NHLRC1: variants seen among roughly 807,000 people sequenced by gnomAD.
The protein encoded by NHLRC1 is NHL repeat containing E3 ubiquitin protein ligase 1, also known as E3 ubiquitin-protein ligase NHLRC1.
A neutral mutation model predicts 14.6 loss-of-function variants in NHLRC1; 10 were observed. The observed-to-expected ratio is 0.69, with a 90% CI of 0.42 to 1.17. The LOEUF (loss-of-function observed/expected upper bound fraction) is 1.17, where lower values mean the gene tolerates loss of function less well. Among genes scored for constraint, NHLRC1 ranks in the 50% most tolerant of loss-of-function variants. The probability of loss-of-function intolerance (pLI) is 0.00; values close to 1 mark genes in which losing one functional copy is unlikely to be tolerated. For synonymous variants in NHLRC1, 231 were observed against 224.0 expected, an observed-to-expected ratio of 1.03 and a Z score of -0.28; for missense variants, 526 against 522.9, an observed-to-expected ratio of 1.01 and a Z score of -0.06.
At position 18,121,511 on chromosome 6, in the gene NHLRC1, G is replaced by C; in HGVS notation, c.1096C>G (p.Pro366Ala). The C allele has an allele frequency of 6.2e-7, 1 of 1,614,190 alleles. No individual in the cohort carries two copies. The highest frequency in any genetic ancestry group is 8.5e-7 in the Non-Finnish European group (1 of 1,180,028). Residue 366 changes from proline to alanine, a missense_variant, in exon 1 of 1, where the codon CCT (proline) becomes GCT (alanine). Physicochemically the swap from Pro to Ala is conservative, Grantham distance 27. Transcript: ENST00000340650. This position sits in a 1 kb window ranked among gnomAD's most constrained non-coding sequence, Gnocchi z 4.7. The part of the protein sequence containing the change: ...KPMVTHGLSH[P>A]VALTFTKENS... ...TCCTTGGTGAAGGTAAGAGCCACAGGATGCGAAAGACCATGAGTGACCATG... is the reference window on the plus strand; with the variant it reads ...TCCTTGGTGAAGGTAAGAGCCACAGCATGCGAAAGACCATGAGTGACCATG...
chr6:18,122,127 G>C lies in NHLRC1; in HGVS notation c.480C>G (p.Cys160Trp). The change falls in exon 1 of 1, where the codon TGC (cysteine) becomes TGG (tryptophan). Residue 160 changes from cysteine to tryptophan, a missense_variant. Physicochemically the swap from Cys to Trp is radical, Grantham distance 215. Transcript: ENST00000340650. ...CCCCCTTCTCTCCAAACTGATGCGC[G>C]CATCCTCCCCCTGAGTCAAAAATCT... ...RVKIFDSGGG[C>W]AHQFGEKGDA... is the part of the protein sequence containing the mutation. 1 of 1,613,924 alleles carries C rather than the reference G, an allele frequency of 6.2e-7. No homozygotes were observed. The highest frequency in any genetic ancestry group is 8.5e-7 in the Non-Finnish European group (1 of 1,180,012).
Position 18,121,381 on chromosome 6 carries a change from C to A in NHLRC1, c.*38G>T, listed in dbSNP as rs377500729. 253 of 1,437,748 alleles carry A rather than the reference C, an allele frequency of 1.8e-4. No individual in the cohort carries two copies. Among genetic ancestry groups the A allele is most frequent in the Middle Eastern group, 3.5e-4 (2 of 5,772 alleles). The allele number at this position is 1,437,748 out of a possible 1,614,324, so 89.1% of individuals were successfully genotyped here. ...GGGTTAAACAATTCATTAATGGCAG[C>A]ACTAGTGCTTCTGATTCCAGGGACC... On this transcript the variant is annotated 3_prime_UTR_variant, in exon 1 of 1. Coordinates refer to ENST00000340650, the MANE Select transcript of NHLRC1 (RefSeq NM_198586.3). The surrounding 1 kb of genome is among the most constrained non-coding windows in gnomAD (Gnocchi z 4.7).
At position 18,121,403 on chromosome 6, in the gene NHLRC1, G is replaced by A. The variant is rs1449092068; in HGVS notation, c.*16C>T. 1.3e-6 allele frequency: 2 copies of A among 1,594,198 alleles called. No homozygotes were observed. Among genetic ancestry groups the A allele is most frequent in the Non-Finnish European group, 1.7e-6 (2 of 1,162,320 alleles). ...CAGCACTAGTGCTTCTGATTCCAGG[G>A]ACCCACCCCAGCCCATCACCCCCAG... On this transcript the variant is annotated 3_prime_UTR_variant, in exon 1 of 1. Coordinates refer to ENST00000340650, the MANE Select transcript of NHLRC1 (RefSeq NM_198586.3). This position sits in a 1 kb window ranked among gnomAD's most constrained non-coding sequence, Gnocchi z 4.7.
chr6:18,122,209 G>A lies in NHLRC1; in HGVS notation c.398C>T (p.Ala133Val), dbSNP rs761706418. 2.5e-6 allele frequency: 4 copies of A among 1,613,178 alleles called. No individual in the cohort carries two copies. In the East Asian group the frequency reaches 6.7e-5, roughly 27 times the overall value. The change falls in exon 1 of 1, where the codon GCG (alanine) becomes GTG (valine). Residue 133 changes from alanine (A) to valine (V), a missense_variant. Physicochemically the swap from Ala to Val is moderately conservative, Grantham distance 64. Transcript: ENST00000340650. ...WGTLVNPTGL[A>V]LCPKTGRVVV... ...GACACGCCCCGTCTTGGGACAAAGC[G>A]CCAGTCCGGTGGGGTTGACCAGGGT...
At position 18,122,550 on chromosome 6, in the gene NHLRC1, C is replaced by T. The variant is rs2150703390; in HGVS notation, c.57G>A (p.Ala19=). 1 of 1,597,384 alleles carries T rather than the reference C, an allele frequency of 6.3e-7. No homozygotes were observed. Among genetic ancestry groups the T allele is most frequent in the East Asian group, 2.2e-5 (1 of 44,848 alleles). ...CCTTGCACTCGAGCAGGCTGATCTC[C>T]GCCTCGCGCATGAGCTCATGCAGCG... ...GPALHELMRE[A]EISLLECKVC... is the part of the protein sequence containing the mutation. Residue 19 remains alanine (A), a synonymous_variant, in exon 1 of 1, where the codon GCG becomes GCA. Coordinates refer to ENST00000340650, the MANE Select transcript of NHLRC1 (RefSeq NM_198586.3).
In NHLRC1 at chr6:18,121,303, C is replaced by T; in HGVS notation, c.*116G>A. On this transcript the variant is annotated 3_prime_UTR_variant, in exon 1 of 1. Transcript: ENST00000340650. This position sits in a 1 kb window ranked among gnomAD's most constrained non-coding sequence, Gnocchi z 4.7. ...ACTGTCCCAAGCTTTGTAAGTCTGCCAGATGGTTTTAATTATCCCTGCCTG... is the reference window on the plus strand; with the variant it reads ...ACTGTCCCAAGCTTTGTAAGTCTGCTAGATGGTTTTAATTATCCCTGCCTG... 1.3e-6 allele frequency: 1 copy of T among 755,798 alleles called. No individual in the cohort carries two copies. The highest frequency in any genetic ancestry group is 2.3e-6 in the Non-Finnish European group (1 of 443,936). The allele number at this position is 755,798 out of a possible 1,614,324, so 46.8% of individuals were successfully genotyped here.
chr6:18,121,900 G>T lies in NHLRC1; in HGVS notation c.707C>A (p.Ala236Glu), dbSNP rs1783741794. The part of the protein sequence containing the change: ...QNGIVVTDAE[A>E]GSLHLLDVDF... ...GACGTCCAGGAGGTGCAGGGACCCT[G>T]CCTCCGCATCAGTTACCACAATCCC... Residue 236 changes from alanine to glutamate, a missense_variant, in exon 1 of 1, where the codon GCA becomes GAA. Physicochemically the swap from Ala to Glu is moderately radical, Grantham distance 107. Transcript: ENST00000340650. This position sits in a 1 kb window ranked among gnomAD's most constrained non-coding sequence, Gnocchi z 4.7. 6.2e-7 allele frequency: 1 copy of T among 1,614,072 alleles called. No homozygotes were observed.
Position 18,121,431 on chromosome 6 carries a change from A to C in NHLRC1, c.1176T>G (p.Val392=), listed in dbSNP as rs1402992432. The change falls in exon 1 of 1, where the codon GTT becomes GTG. Residue 392 remains valine (V), a synonymous_variant. Transcript: ENST00000340650. This position sits in a 1 kb window ranked among gnomAD's most constrained non-coding sequence, Gnocchi z 4.7. ...CCACCCCAGCCCATCACCCCCAGTC[A>C]ACTTTATAGACTTTTATAGAATGAG... ...TASHSIKVYK[V]DWG 6.2e-7 allele frequency: 1 copy of C among 1,613,656 alleles called. No individual in the cohort carries two copies. Among genetic ancestry groups the C allele is most frequent in the Non-Finnish European group, 8.5e-7 (1 of 1,179,616 alleles).
chr6:18,121,434 T>C lies in NHLRC1; in HGVS notation c.1173A>G (p.Lys391=), dbSNP rs1301234035. 2 of 1,613,872 alleles carry C rather than the reference T, an allele frequency of 1.2e-6. No homozygotes were observed. The highest frequency in any genetic ancestry group is 1.7e-6 in the Non-Finnish European group (2 of 1,179,826). ...DTASHSIKVY[K]VDWG Reference sequence around the variant, plus strand: ...CCCCAGCCCATCACCCCCAGTCAACTTTATAGACTTTTATAGAATGAGATG... The same window carrying C: ...CCCCAGCCCATCACCCCCAGTCAACCTTATAGACTTTTATAGAATGAGATG... Residue 391 remains lysine (K), a synonymous_variant, in exon 1 of 1, where the codon AAA becomes AAG. Transcript: ENST00000340650. The surrounding 1 kb of genome is among the most constrained non-coding windows in gnomAD (Gnocchi z 4.7).
In NHLRC1 at chr6:18,120,497, T is replaced by C. The variant is rs1235466080; in HGVS notation, c.*922A>G. On this transcript the variant is annotated 3_prime_UTR_variant, in exon 1 of 1. Coordinates refer to ENST00000340650, the MANE Select transcript of NHLRC1 (RefSeq NM_198586.3). The stretch of plus-strand genomic sequence containing the variant: ...TATAGGCGTTAAAAGACATGTTTAC[T>C]TTTTTAATAAGCAGTTCAATTGTTT... The C allele has an allele frequency of 1.3e-5, 2 of 152,242 alleles. No homozygotes were observed. The highest frequency in any genetic ancestry group is 4.8e-5 in the African/African-American group (2 of 41,466). The allele number at this position is 152,242 out of a possible 1,614,324, so 9.4% of individuals were successfully genotyped here.
In NHLRC1 at chr6:18,121,766, G is replaced by C; in HGVS notation, c.841C>G (p.His281Asp). 6.2e-7 allele frequency: 1 copy of C among 1,614,012 alleles called. No homozygotes were observed. ...WLTGAIAVLE[H>D]PLALGTGVCS... ...ACCCCAGTCCCCAGGGCCAGGGGGTGCTCCAGGACCGCAATGGCCCCGGTG... is the reference window on the plus strand; with the variant it reads ...ACCCCAGTCCCCAGGGCCAGGGGGTCCTCCAGGACCGCAATGGCCCCGGTG... The change falls in exon 1 of 1, where the codon CAC becomes GAC. Residue 281 changes from histidine to aspartate, a missense_variant. His to Asp is a moderately conservative substitution (Grantham distance 81, BLOSUM62 -1). Coordinates refer to ENST00000340650, the MANE Select transcript of NHLRC1 (RefSeq NM_198586.3). This position sits in a 1 kb window ranked among gnomAD's most constrained non-coding sequence, Gnocchi z 4.7.
At position 18,121,764 on chromosome 6, in the gene NHLRC1, G is replaced by A. The variant is rs762001530; in HGVS notation, c.843C>T (p.His281=). 1.9e-6 allele frequency: 3 copies of A among 1,614,060 alleles called. No homozygotes were observed. Among genetic ancestry groups the A allele is most frequent in the African/African-American group, 2.7e-5 (2 of 75,054 alleles). The change falls in exon 1 of 1, where the codon CAC becomes CAT. Residue 281 remains histidine (H), a synonymous_variant. Coordinates refer to ENST00000340650, the MANE Select transcript of NHLRC1 (RefSeq NM_198586.3). This position sits in a 1 kb window ranked among gnomAD's most constrained non-coding sequence, Gnocchi z 4.7. ...WLTGAIAVLE[H]PLALGTGVCS... is the part of the protein sequence containing the mutation. ...AAACCCCAGTCCCCAGGGCCAGGGG[G>A]TGCTCCAGGACCGCAATGGCCCCGG...
rs140850172 is a variant in NHLRC1, at chr6:18,121,926, A to T, written c.681T>A (p.Asn227Lys). Reference protein sequence around the residue: ...LPWGVETTPQNGIVVTDAEAG... With the variant: ...LPWGVETTPQKGIVVTDAEAG... Reference sequence around the variant, plus strand: ...CCTCCGCATCAGTTACCACAATCCCATTCTGAGGGGTGGTCTCCACACCCC... The same window carrying T: ...CCTCCGCATCAGTTACCACAATCCCTTTCTGAGGGGTGGTCTCCACACCCC... Residue 227 changes from asparagine to lysine, a missense_variant, in exon 1 of 1, where the codon AAT (asparagine) becomes AAA (lysine). Transcript: ENST00000340650. The surrounding 1 kb of genome is among the most constrained non-coding windows in gnomAD (Gnocchi z 4.7). 196 of 1,614,144 alleles carry T rather than the reference A, an allele frequency of 1.2e-4. No homozygotes were observed. The African/African-American group carries it at 1.7e-3, about 14-fold the overall frequency.
Position 18,122,446 on chromosome 6 carries a change from C to T in NHLRC1, c.161G>A (p.Cys54Tyr). The T allele has an allele frequency of 6.3e-7, 1 of 1,594,178 alleles. No homozygotes were observed. Among genetic ancestry groups the T allele is most frequent in the Non-Finnish European group, 8.5e-7 (1 of 1,178,014 alleles). Residue 54 changes from cysteine to tyrosine, a missense_variant, in exon 1 of 1, where the codon TGC (cysteine) becomes TAC (tyrosine). Physicochemically the swap from Cys to Tyr is radical, Grantham distance 194. Coordinates refer to ENST00000340650, the MANE Select transcript of NHLRC1 (RefSeq NM_198586.3). ...LSCGHVVCLA[C>Y]VAALAHPRTL... is the part of the protein sequence containing the mutation. Reference sequence around the variant, plus strand: ...GCGCGGGTGCGCCAGGGCGGCCACGCAGGCCAGGCAGACCACGTGGCCGCA... The same window carrying T: ...GCGCGGGTGCGCCAGGGCGGCCACGTAGGCCAGGCAGACCACGTGGCCGCA...
In NHLRC1 at chr6:18,122,515, T is replaced by C. The variant is rs1456097759; in HGVS notation, c.92A>G (p.Glu31Gly). 4 of 1,597,526 alleles carry C rather than the reference T, an allele frequency of 2.5e-6. No individual in the cohort carries two copies. Among genetic ancestry groups the C allele is most frequent in the Non-Finnish European group, 1.7e-6 (2 of 1,179,596 alleles). ...CCGCTGCTGCCGGTGGCCAAACTTC[T>C]CAAAGCACACCTTGCACTCGAGCAG... ...ISLLECKVCFEKFGHRQQRRP... is the reference protein window; with the variant it reads ...ISLLECKVCFGKFGHRQQRRP... Residue 31 changes from glutamate (E) to glycine (G), a missense_variant, in exon 1 of 1, where the codon GAG (glutamate) becomes GGG (glycine). Glu to Gly is a moderately conservative substitution (Grantham distance 98). Coordinates refer to ENST00000340650, the MANE Select transcript of NHLRC1 (RefSeq NM_198586.3).
Position 18,122,426 on chromosome 6 carries a change from G to T in NHLRC1, c.181C>A (p.Pro61Thr). 1 of 1,590,982 alleles carries T rather than the reference G, an allele frequency of 6.3e-7. No homozygotes were observed. Among genetic ancestry groups the T allele is most frequent in the Non-Finnish European group, 8.5e-7 (1 of 1,176,700 alleles). The part of the protein sequence containing the change: ...CLACVAALAH[P>T]RTLALECPFC... The stretch of plus-strand genomic sequence containing the variant: ...GGGCACTCGAGGGCCAGAGTGCGCG[G>T]GTGCGCCAGGGCGGCCACGCAGGCC... Residue 61 changes from proline to threonine, a missense_variant, in exon 1 of 1, where the codon CCG becomes ACG. By Grantham distance (38) the Pro-to-Thr change is conservative. Coordinates refer to ENST00000340650, the MANE Select transcript of NHLRC1 (RefSeq NM_198586.3).
chr6:18,121,369 C>A lies in NHLRC1; in HGVS notation c.*50G>T. Reference sequence around the variant, plus strand: ...GTGACTTATCCAGGGTTAAACAATTCATTAATGGCAGCACTAGTGCTTCTG... The same window carrying A: ...GTGACTTATCCAGGGTTAAACAATTAATTAATGGCAGCACTAGTGCTTCTG... On this transcript the variant is annotated 3_prime_UTR_variant, in exon 1 of 1. Transcript: ENST00000340650. The surrounding 1 kb of genome is among the most constrained non-coding windows in gnomAD (Gnocchi z 4.7). 2 of 1,368,922 alleles carry A rather than the reference C, an allele frequency of 1.5e-6. No individual in the cohort carries two copies. The highest frequency in any genetic ancestry group is 1.2e-5 in the South Asian group (1 of 85,124). 84.8% of individuals were successfully genotyped at this position (1,368,922 alleles called of 1,614,324 possible).
At position 18,121,452 on chromosome 6, in the gene NHLRC1, A is replaced by G. The variant is rs1291450363; in HGVS notation, c.1155T>C (p.His385=). Residue 385 remains histidine, a synonymous_variant, in exon 1 of 1, where the codon CAT becomes CAC. Transcript: ENST00000340650. This position sits in a 1 kb window ranked among gnomAD's most constrained non-coding sequence, Gnocchi z 4.7. ...NSLLVLDTAS[H]SIKVYKVDWG ...AGTCAACTTTATAGACTTTTATAGAATGAGATGCTGTGTCCAGCACAAGAA... is the reference window on the plus strand; with the variant it reads ...AGTCAACTTTATAGACTTTTATAGAGTGAGATGCTGTGTCCAGCACAAGAA... 1.9e-6 allele frequency: 3 copies of G among 1,613,960 alleles called. No individual in the cohort carries two copies. The highest frequency in any genetic ancestry group is 4.5e-5 in the East Asian group (2 of 44,880).
chr6:18,122,668 G>C lies in NHLRC1; in HGVS notation c.-62C>G. 1 of 1,466,234 alleles carries C rather than the reference G, an allele frequency of 6.8e-7. No homozygotes were observed. The highest frequency in any genetic ancestry group is 9.3e-7 in the Non-Finnish European group (1 of 1,076,598). 90.8% of individuals were successfully genotyped at this position (1,466,234 alleles called of 1,614,324 possible). On this transcript the variant is annotated 5_prime_UTR_variant, in exon 1 of 1. Transcript: ENST00000340650. ...GTGCCCCAGCGACGCTCTCGGTCAC[G>C]GTCACAGTCATGGTCACGGGGTGGG... is the stretch of plus-strand genomic sequence containing the variant.
Sources: allele counts gnomAD v4.1 joint callset, GRCh38; gene constraint gnomAD v4.1.1; non-coding constraint Gnocchi (gnomAD v3.1); transcripts MANE v1.5; gene names NCBI Gene and HGNC (gene_info 2026-07-23, HGNC 2026-07-21).